Variants in GRIN2B observed in about 807,000 individuals in gnomAD.
The protein encoded by GRIN2B is glutamate ionotropic receptor NMDA type subunit 2B, also known as glutamate receptor ionotropic, NMDA 2B.
GRIN2B carries 5 observed loss-of-function variants against 114.5 expected under a neutral mutation model. The observed-to-expected ratio is 0.04, with a 90% CI of 0.02 to 0.09. GRIN2B has a LOEUF of 0.09. GRIN2B is among the 10% of genes least tolerant of loss of function. The pLI is 1.00. For synonymous variants in GRIN2B, 787 were observed against 745.1 expected, an observed-to-expected ratio of 1.06 and a Z score of -0.92; for missense variants, 1,108 against 1,943.5, an observed-to-expected ratio of 0.57 and a Z score of 8.08.
intron 4 of GRIN2B, among the ~76,000 whole-genome samples, chr12:13,713,178 A>G (rs140279697): frequency 1.7e-3 from 253 of 152,028 alleles, no homozygotes; most frequent in African/African-American, 6.0e-3. Flanking sequence ...TTCTTTTAAC[A>G]TCCTTGGTTG....
chr12:13,691,552 C>A (rs781317990), intron 4 of GRIN2B, among the ~76,000 whole-genome samples: 2 of 147,490 alleles, frequency 1.4e-5, no homozygotes, highest in African/African-American at 4.9e-5. Context: ...TTCTTTACCC[C>A]CTTTTCCAGT....
At position 13,563,292 on chromosome 12, in the gene GRIN2B, C is replaced by A. The variant is rs199803550; in HGVS notation, c.3946G>T (p.Ala1316Ser). Residue 1316 changes from alanine (A) to serine (S), a missense_variant, in exon 14 of 14, where the codon GCC (alanine) becomes TCC (serine). Ala to Ser is a moderately conservative substitution (Grantham distance 99). Around this residue, in one of 19 missense-constraint regions of GRIN2B, gnomAD observed 478 missense variants for 506.0 expected, o/e 0.94. Transcript: ENST00000609686. ...TFVDLQKEEA[A>S]LAPRSVSLKD... Reference sequence around the variant, plus strand: ...AGGCTTACGCTGCGCGGGGCCAGGGCGGCTTCTTCCTTCTGCAGGTCCACG... The same window carrying A: ...AGGCTTACGCTGCGCGGGGCCAGGGAGGCTTCTTCCTTCTGCAGGTCCACG... The A allele has an allele frequency of 1.4e-5, 22 of 1,614,184 alleles. No individual in the cohort carries two copies. Among genetic ancestry groups the A allele is most frequent in the Non-Finnish European group, 1.9e-5 (22 of 1,180,038 alleles).
chr12:13,638,044 C>G (rs1949680780), intron 5 of GRIN2B, among the ~76,000 whole-genome samples: 1 of 152,162 alleles, frequency 6.6e-6, no homozygotes, highest in Non-Finnish European at 1.5e-5. Context: ...TTCTACTTTT[C>G]AGAAAAACCT....
rs1948513379 is a variant in GRIN2B at position 13,559,500 on chromosome 12, G to A, written c.*3283C>T. 1 of 152,166 alleles carries A rather than the reference G, an allele frequency of 6.6e-6. No homozygotes were observed. The highest frequency in any genetic ancestry group is 6.5e-5 in the Admixed American group (1 of 15,268). 9.4% of individuals were successfully genotyped at this position (152,166 alleles called of 1,614,324 possible). On this transcript the variant is annotated 3_prime_UTR_variant, in exon 14 of 14. Coordinates refer to ENST00000609686, the MANE Select transcript of GRIN2B (RefSeq NM_000834.5). ...CGAGGCCAGTAGCACCTTCCTGATG[G>A]CAGTAATGAGGACAAGGCAAATAAA...
intron 2 of GRIN2B, among the ~76,000 whole-genome samples, chr12:13,909,606 AAGC>A (rs1267090997): frequency 1.3e-5 from 2 of 152,230 alleles, no homozygotes; most frequent in Non-Finnish European, 2.9e-5. Context: ...TGCACTGTGA[AAGC>A]AGATTGCATC....
At chr12:13,790,038 T>C (rs1322223101) in intron 3 of GRIN2B, among the ~76,000 whole-genome samples, 7 of 152,174 alleles carry the variant, frequency 4.6e-5, no homozygotes, top group Admixed American at 3.9e-4. Context: ...AGCTGAGAAA[T>C]CCTCCTCCTT....
chr12:13,814,248 T>A (rs112189091), intron 3 of GRIN2B, among the ~76,000 whole-genome samples: 25 of 152,196 alleles, frequency 1.6e-4, no homozygotes, highest in South Asian at 4.1e-4. Context: ...GTTAGAGTAT[T>A]CCTCAGTATG....
intron 2 of GRIN2B, among the ~76,000 whole-genome samples, chr12:13,901,919 C>T (rs923118741): frequency 1.3e-5 from 2 of 152,124 alleles, no homozygotes; most frequent in East Asian, 1.9e-4. Flanking sequence ...ATTTTTTATA[C>T]AGATATCAAA....
At position 13,734,378 on chromosome 12, in the gene GRIN2B, G is replaced by A. The variant is rs115847919; in HGVS notation, c.1010+18939C>T. ...GATGCAGATATAAAAGGAATAAAGA[G>A]CAGTGAGGAATCCCTTCCAAGTACG... On this transcript the variant is annotated intron_variant, in intron 4 of 13. Transcript: ENST00000609686. Among the ~76,000 whole-genome samples, 291 of 152,256 alleles carry A rather than the reference G, an allele frequency of 1.9e-3. 3 individuals are homozygous for A. The highest frequency in any genetic ancestry group is 6.8e-3 in the African/African-American group (284 of 41,570).
intron 3 of GRIN2B, among the ~76,000 whole-genome samples, chr12:13,775,450 C>T (rs2136650041): frequency 6.6e-6 from 1 of 152,214 alleles, no homozygotes; most frequent in East Asian, 1.9e-4. Flanking sequence ...TGAGATGGTA[C>T]CCGGGAAGCA....
chr12:13,615,765 C>G lies in GRIN2B; in HGVS notation c.1329-101G>C. On this transcript the variant is annotated intron_variant, in intron 6 of 13. Coordinates refer to ENST00000609686, the MANE Select transcript of GRIN2B (RefSeq NM_000834.5). This position sits in a 1 kb window ranked among gnomAD's most constrained non-coding sequence, Gnocchi z 5.8. ...CATTAAAAAACCTCCAATCCCAAAG[C>G]AGGCCCCCTTCACAGCTCAGCACAA... is the stretch of plus-strand genomic sequence containing the variant. 1 of 961,426 alleles carries G rather than the reference C, an allele frequency of 1.0e-6. No homozygotes were observed. 59.6% of individuals were successfully genotyped at this position (961,426 alleles called of 1,614,324 possible). A position where few individuals can be genotyped will look rare whatever the true frequency, so the allele number is the denominator to read the frequency against.
intron 5 of GRIN2B, among the ~76,000 whole-genome samples, chr12:13,633,446 G>A (rs911235432): frequency 6.6e-6 from 1 of 152,334 alleles, no homozygotes; most frequent in Non-Finnish European, 1.5e-5. Flanking sequence ...GGTGGTAGGG[G>A]TGTTCATGAG....
intron 3 of GRIN2B, among the ~76,000 whole-genome samples, chr12:13,765,127 G>T (rs1304383902): frequency 6.6e-6 from 1 of 152,190 alleles, no homozygotes; most frequent in Non-Finnish European, 1.5e-5. Flanking sequence ...ATGACATTTT[G>T]ATGTTAATTC....
chr12:13,775,432 C>T (rs1352456003), intron 3 of GRIN2B, among the ~76,000 whole-genome samples: 1 of 152,208 alleles, frequency 6.6e-6, no homozygotes, highest in Non-Finnish European at 1.5e-5. Context: ...CCTGCCTCTC[C>T]GGGTAAATGA....
At chr12:13,771,889 G>T (rs966451057) in intron 3 of GRIN2B, among the ~76,000 whole-genome samples, 1 of 152,212 alleles carries the variant, frequency 6.6e-6, no homozygotes, top group African/African-American at 2.4e-5. Context: ...GTCCTTCAAT[G>T]CAACCTAGAA....
intron 2 of GRIN2B, among the ~76,000 whole-genome samples, chr12:13,946,873 A>C (rs1867370999): frequency 6.6e-6 from 1 of 152,186 alleles, no homozygotes; most frequent in South Asian, 2.1e-4. Context: ...TCTTGATGAA[A>C]GGATGCTTCT....
intron 10 of GRIN2B, among the ~76,000 whole-genome samples, chr12:13,589,119 T>C (rs563456896): frequency 6.6e-6 from 1 of 152,224 alleles, no homozygotes; most frequent in Non-Finnish European, 1.5e-5. Flanking sequence ...CGGTGTCCTG[T>C]ATTCTTATTT....
chr12:13,613,823 C>G (rs1195640558), intron 8 of GRIN2B, among the ~76,000 whole-genome samples: 1 of 152,022 alleles, frequency 6.6e-6, no homozygotes, highest in East Asian at 1.9e-4. Context: ...TCTCTTATCC[C>G]TATAACTAAC....
intron 2 of GRIN2B, among the ~76,000 whole-genome samples, chr12:13,930,417 A>T (rs767776328): frequency 1.3e-5 from 2 of 152,156 alleles, no homozygotes; most frequent in Non-Finnish European, 2.9e-5. Flanking sequence ...GCTCACAGCT[A>T]GATGAGGGGA....
Sources: allele counts gnomAD v4.1 joint callset (sites outside exome capture counted in the v4.1 genomes callset), GRCh38; gene constraint gnomAD v4.1.1; regional missense constraint gnomAD v4.1.1; non-coding constraint Gnocchi (gnomAD v3.1); transcripts MANE v1.5; gene names NCBI Gene and HGNC (gene_info 2026-07-23, HGNC 2026-07-21).